Variants in AFAP1 observed in about 807,000 individuals in gnomAD.
The protein encoded by AFAP1 is actin filament associated protein 1.
In AFAP1, 75 loss-of-function variants were observed where a neutral mutation model predicts 93.9. The observed-to-expected ratio is 0.80, with a 90% CI of 0.66 to 0.97. AFAP1 has a LOEUF of 0.97. AFAP1 is among the 50% of genes least tolerant of loss of function. The pLI is 0.00. For missense variants in AFAP1, 1,201 were observed against 1,050.8 expected (o/e 1.14, Z -1.98); for synonymous variants, 517 against 430.7 (o/e 1.20, Z -2.48).
chr4:7,876,860 T>C (rs1717541994), intron 1 of AFAP1, among the ~76,000 whole-genome samples: 1 of 152,202 alleles, frequency 6.6e-6, no homozygotes. Context: ...TAGCAGACAG[T>C]TGTAATTGTT....
At chr4:7,936,281 G>C (rs1413738661) in intron 1 of AFAP1, among the ~76,000 whole-genome samples, 1 of 152,074 alleles carries the variant, frequency 6.6e-6, no homozygotes, top group East Asian at 1.9e-4. Context: ...TTACCAAACA[G>C]ATAAATTGGA....
At chr4:7,920,152 T>C (rs1720361795) in intron 1 of AFAP1, among the ~76,000 whole-genome samples, 1 of 152,208 alleles carries the variant, frequency 6.6e-6, no homozygotes, top group Non-Finnish European at 1.5e-5. Flanking sequence ...TTTGGATATA[T>C]ACCCGGTAAT....
chr4:7,768,693 G>A lies in AFAP1; in HGVS notation c.2418+151C>T, dbSNP rs563060597. On this transcript the variant is annotated intron_variant, in intron 17 of 17. Transcript: ENST00000420658. ...AGGATCTGCGGGGTGGTGAGAACTC[G>A]ATAAGCACCCATTCCCAGATGTCTA... The A allele has an allele frequency of 1.7e-3, 1,734 of 999,348 alleles. 6 individuals carry two copies. The highest frequency in any genetic ancestry group is 2.1e-3 in the Non-Finnish European group (1,563 of 727,924). The allele number at this position is 999,348 out of a possible 1,614,324, so 61.9% of individuals were successfully genotyped here.
Position 7,926,776 on chromosome 4 carries a change from G to A in AFAP1, c.-3+12880C>T, listed in dbSNP as rs139045487. On this transcript the variant is annotated intron_variant, in intron 1 of 17. Coordinates refer to ENST00000420658, the MANE Select transcript of AFAP1 (RefSeq NM_001134647.2). ...TTTTGATACGGAGTCTCCCTGTGTCGCCCAAGCTGGAGTGCAGCAGCGCAC... is the reference window on the plus strand; with the variant it reads ...TTTTGATACGGAGTCTCCCTGTGTCACCCAAGCTGGAGTGCAGCAGCGCAC... 4.3e-3 allele frequency among the ~76,000 whole-genome samples: 656 copies of A among 152,034 alleles called. 4 individuals carry two copies. The highest frequency in any genetic ancestry group is 0.024 in the Middle Eastern group (7 of 294).
intron 1 of AFAP1, among the ~76,000 whole-genome samples, chr4:7,879,429 C>A (rs368675403): frequency 1.1e-4 from 17 of 152,284 alleles, no homozygotes; most frequent in African/African-American, 3.8e-4. Flanking sequence ...AGCCCCGACA[C>A]CTGCTGCCCT....
At chr4:7,929,862 C>T (rs1382524785) in intron 1 of AFAP1, among the ~76,000 whole-genome samples, 3 of 152,206 alleles carry the variant, frequency 2.0e-5, no homozygotes, top group South Asian at 4.1e-4. Context: ...CCGGAGGTGC[C>T]GGCTCTGTTC....
intron 15 of AFAP1, 39 bp downstream of exon 15, chr4:7,774,699 AC>A: frequency 6.3e-7 from 1 of 1,599,982 alleles, no homozygotes. Flanking sequence ...AGTCTCTAAT[AC>A]AAACATGCAC....
intron 1 of AFAP1, among the ~76,000 whole-genome samples, chr4:7,882,044 C>T (rs1439339154): frequency 2.0e-5 from 3 of 152,152 alleles, no homozygotes; most frequent in Non-Finnish European, 1.5e-5. Context: ...TGGAACTTCA[C>T]TTTAAGACAC....
chr4:7,892,707 C>T lies in AFAP1; in HGVS notation c.-2-20627G>A, dbSNP rs149357529. On this transcript the variant is annotated intron_variant, in intron 1 of 17. Coordinates refer to ENST00000420658, the MANE Select transcript of AFAP1 (RefSeq NM_001134647.2). ...GTGCCTAGAACACGAACCCCCAAGA[C>T]TCAGCCTTTCCCACCGAACAAACCA... is the stretch of plus-strand genomic sequence containing the variant. Among the ~76,000 whole-genome samples the T allele has an allele frequency of 2.1e-3, 321 of 152,240 alleles. 8 individuals are homozygous for T. In the East Asian group the frequency reaches 0.055, roughly 26 times the overall value.
chr4:7,866,457 A>G (rs1170454639), intron 3 of AFAP1, among the ~76,000 whole-genome samples: 1 of 152,132 alleles, frequency 6.6e-6, no homozygotes, highest in Non-Finnish European at 1.5e-5. Context: ...CAGCCTCCCA[A>G]AGTGCTGGGA....
chr4:7,938,756 T>C (rs1022728229), intron 1 of AFAP1, among the ~76,000 whole-genome samples: 1 of 151,910 alleles, frequency 6.6e-6, no homozygotes, highest in African/African-American at 2.4e-5. Flanking sequence ...TTCCCATTAC[T>C]AACGGAAGAA....
At chr4:7,780,336 T>C (rs1214377733) in intron 13 of AFAP1, among the ~76,000 whole-genome samples, 4 of 152,236 alleles carry the variant, frequency 2.6e-5, no homozygotes, top group Non-Finnish European at 5.9e-5. Context: ...AGCCGACCTA[T>C]TGGGAGCTAC....
At chr4:7,818,005 T>C (rs572881340) in intron 7 of AFAP1, among the ~76,000 whole-genome samples, 2 of 152,286 alleles carry the variant, frequency 1.3e-5, no homozygotes, top group African/African-American at 4.8e-5. Context: ...GCCTGTTCCA[T>C]TACGGTATGA....
intron 4 of AFAP1, among the ~76,000 whole-genome samples, chr4:7,853,062 T>C (rs1035965111): frequency 6.6e-6 from 1 of 152,182 alleles, no homozygotes; most frequent in Non-Finnish European, 1.5e-5. Context: ...AGAAGAGGTA[T>C]GCATGGGTGC....
At chr4:7,825,286 A>G (rs1005959791) in intron 6 of AFAP1, among the ~76,000 whole-genome samples, 23 of 152,302 alleles carry the variant, frequency 1.5e-4, no homozygotes, top group African/African-American at 5.3e-4. Flanking sequence ...CCATCACTCT[A>G]GCGCACTACC....
At chr4:7,938,707 G>T (rs573031318) in intron 1 of AFAP1, among the ~76,000 whole-genome samples, 4 of 152,128 alleles carry the variant, frequency 2.6e-5, no homozygotes, top group African/African-American at 7.2e-5. Context: ...GGCGCTGAGA[G>T]CTACAAAGTT....
chr4:7,918,819 G>A lies in AFAP1; in HGVS notation c.-3+20837C>T, dbSNP rs567935826. On this transcript the variant is annotated intron_variant, in intron 1 of 17. Transcript: ENST00000420658. ...AACAGGGCTGTTGGAAGAGACACTC[G>A]GCCCAGGTCACCCGCAAACAGGGCT... Among the ~76,000 whole-genome samples the A allele has an allele frequency of 7.4e-4, 99 of 132,940 alleles. 4 individuals are homozygous for A. The highest frequency in any genetic ancestry group is 3.6e-3 in the South Asian group (14 of 3,872). 87.2% of individuals were successfully genotyped at this position (132,940 alleles called of 152,430 possible).
intron 16 of AFAP1, among the ~76,000 whole-genome samples, chr4:7,771,998 C>T (rs1577182600): frequency 2.0e-5 from 3 of 152,198 alleles, no homozygotes; most frequent in South Asian, 4.1e-4. Context: ...ATCTTCCCCA[C>T]AAACCCGCCC....
chr4:7,889,143 C>T (rs897284461), intron 1 of AFAP1, among the ~76,000 whole-genome samples: 15 of 152,132 alleles, frequency 9.9e-5, no homozygotes, highest in African/African-American at 3.6e-4. Flanking sequence ...AAGGATAACA[C>T]ATTAAGACCA....
Sources: gnomAD v4.1 joint callset for allele counts (sites outside exome capture counted in the v4.1 genomes callset) on GRCh38, gnomAD v4.1.1 for gene constraint, MANE v1.5 for transcripts, NCBI Gene and HGNC (gene_info 2026-07-23, HGNC 2026-07-21) for gene names.